API5: variants seen among roughly 807,000 people sequenced by gnomAD.
The protein encoded by API5 is FIF.
API5 carries 6 observed loss-of-function variants against 71.9 expected under a neutral mutation model. That is an observed-to-expected ratio of 0.08 (90% confidence interval 0.05 to 0.16). API5 has a LOEUF of 0.16. API5 is among the 10% of genes least tolerant of loss of function. API5 has a pLI of 1.00. For synonymous variants in API5, 189 were observed against 221.3 expected (o/e 0.85, Z 1.30); for missense variants, 332 against 612.8 (o/e 0.54, Z 4.84).
chr11:43,332,805 G>A (rs1855302934), intron 11 of API5, among the ~76,000 whole-genome samples: 2 of 152,080 alleles, frequency 1.3e-5, no homozygotes, highest in Admixed American at 6.5e-5. Context: ...TGTTAAATCA[G>A]CCCCTTTCTC....
rs1050684062 is a variant in API5 at position 43,343,200 on chromosome 11, G to A, written c.*690G>A. ...CATACATACATAAGCATATATGTGT[G>A]TGTGTGTGTGTATATATATATATAT... On this transcript the variant is annotated 3_prime_UTR_variant, in exon 14 of 14. Transcript: ENST00000531273. The A allele has an allele frequency of 2.6e-5, 4 of 152,600 alleles. No homozygotes were observed. Among genetic ancestry groups the A allele is most frequent in the African/African-American group, 9.7e-5 (4 of 41,392 alleles). The allele number at this position is 152,600 out of a possible 1,614,324, so 9.5% of individuals were successfully genotyped here.
intron 10 of API5, 61 bp from the exon 11 acceptor site, chr11:43,330,439 TATGACAGA>T (rs1855214625): frequency 4.5e-6 from 5 of 1,112,008 alleles, no homozygotes; most frequent in Non-Finnish European, 6.9e-6. Flanking sequence ...ACTCTAGTTC[TATGACAGA>T]ATGGATTATG....
chr11:43,336,255 A>G (rs1454348561), intron 13 of API5: 4 of 437,896 alleles, frequency 9.1e-6, no homozygotes, highest in Non-Finnish European at 1.6e-5. Context: ...AGAGGAACCA[A>G]CAGAAACAAA....
At chr11:43,331,741 G>A (rs1291132703) in intron 11 of API5, among the ~76,000 whole-genome samples, 1 of 152,182 alleles carries the variant, frequency 6.6e-6, no homozygotes, top group Admixed American at 6.5e-5. Context: ...TATCAGAAGA[G>A]AGAGGGAAGC....
chr11:43,315,670 C>G (rs1854644387), intron 1 of API5, among the ~76,000 whole-genome samples: 1 of 152,082 alleles, frequency 6.6e-6, no homozygotes, highest in African/African-American at 2.4e-5. Flanking sequence ...ATCTTCCAGT[C>G]CTATCATCTT....
chr11:43,340,177 C>A (rs1855566149), intron 13 of API5: 5 of 314,564 alleles, frequency 1.6e-5, no homozygotes, highest in Non-Finnish European at 1.8e-5. Context: ...TCAAGGTAAC[C>A]CCATTTATAA....
chr11:43,319,485 C>T (rs1854792462), intron 2 of API5, among the ~76,000 whole-genome samples: 1 of 152,202 alleles, frequency 6.6e-6, no homozygotes, highest in South Asian at 2.1e-4. Flanking sequence ...GACCAGAGTG[C>T]AGTTGCACAT....
chr11:43,338,865 G>A (rs1855522188), intron 13 of API5, among the ~76,000 whole-genome samples: 1 of 152,080 alleles, frequency 6.6e-6, no homozygotes, highest in African/African-American at 2.4e-5. Context: ...TGTGAATAAT[G>A]AGTATGATAG....
intron 8 of API5, 37 bp downstream of exon 8, chr11:43,327,915 A>G: frequency 2.3e-6 from 3 of 1,306,488 alleles, no homozygotes; most frequent in Middle Eastern, 1.9e-4. Context: ...GATAGTCAGT[A>G]TATAGCTCAA....
Position 43,321,489 on chromosome 11 carries a change from C to T in API5, c.391+13C>T. The T allele has an allele frequency of 6.3e-7, 1 of 1,588,036 alleles. No individual in the cohort carries two copies. The highest frequency in any genetic ancestry group is 8.6e-7 in the Non-Finnish European group (1 of 1,159,178). On this transcript the variant is annotated intron_variant, in intron 4 of 13. Coordinates refer to ENST00000531273, the MANE Select transcript of API5 (RefSeq NM_001142930.2). ...ATGGATGCAAAAGGTAAGGCCAGTT[C>T]TTATTCTGAATTGTGTTTGATGTCT...
intron 11 of API5, among the ~76,000 whole-genome samples, chr11:43,334,972 C>T (rs1855382240): frequency 1.3e-5 from 2 of 151,784 alleles, no homozygotes; most frequent in Non-Finnish European, 2.9e-5. Flanking sequence ...AAAAACAAAC[C>T]GAAACAAAAC....
chr11:43,331,190 A>T (rs567667567), intron 11 of API5: 1 of 152,492 alleles, frequency 6.6e-6, no homozygotes, highest in Non-Finnish European at 1.5e-5. Context: ...ATTATAGTTG[A>T]CCCTTGAACA....
At chr11:43,337,007 CAAAAAAAAAAA>C (rs559170436) in intron 13 of API5, among the ~76,000 whole-genome samples, 13,390 of 67,218 alleles carry the variant, frequency 0.2, 971 homozygotes, top group Admixed American at 0.38. Flanking sequence ...GACTCCGTCT[CAAAAAAAAAAA>C]AAAAAAAAAA....
At chr11:43,329,913 A>G in intron 9 of API5, 52 bp from the exon 10 acceptor site, 2 of 1,527,504 alleles carry the variant, frequency 1.3e-6, no homozygotes, top group Non-Finnish European at 1.8e-6. Flanking sequence ...ATTGAGTTTA[A>G]AAACAAAATT....
At chr11:43,338,088 T>C (rs1321287272) in intron 13 of API5, among the ~76,000 whole-genome samples, 1 of 152,154 alleles carries the variant, frequency 6.6e-6, no homozygotes, top group Non-Finnish European at 1.5e-5. Context: ...CAAAGCAAAG[T>C]AAACATGCAA....
intron 13 of API5, among the ~76,000 whole-genome samples, chr11:43,338,437 A>G (rs933028953): frequency 9.2e-5 from 14 of 152,090 alleles, no homozygotes; most frequent in Admixed American, 3.9e-4. Context: ...AATGTTCTAC[A>G]TTTTGTGACT....
At chr11:43,327,461 A>G (rs141798153) in intron 7 of API5, among the ~76,000 whole-genome samples, 150 of 152,342 alleles carry the variant, frequency 9.8e-4, no homozygotes, top group Non-Finnish European at 1.6e-3. Context: ...AATTAGCACA[A>G]TCATTAACCT....
In API5 at chr11:43,323,450, T is replaced by G; in HGVS notation, c.564T>G (p.Gly188=). 1 of 1,614,034 alleles carries G rather than the reference T, an allele frequency of 6.2e-7. No individual in the cohort carries two copies. The highest frequency in any genetic ancestry group is 8.5e-7 in the Non-Finnish European group (1 of 1,179,910). The part of the protein sequence containing the change: ...ESKKVLEDVT[G]EEFVLFMKIL... ...TCCAGGTCCTAGAAGATGTGACTGG[T>G]GAAGAATTTGTTCTATTTATGAAGA... The change falls in exon 6 of 14, where the codon GGT becomes GGG. Residue 188 remains glycine, a synonymous_variant. Transcript: ENST00000531273.
intron 1 of API5, among the ~76,000 whole-genome samples, chr11:43,312,700 G>T (rs1298675454): frequency 6.6e-6 from 1 of 152,116 alleles, no homozygotes; most frequent in African/African-American, 2.4e-5. Flanking sequence ...TTTGATGAGA[G>T]CTCACGGTTT....
Sources: gnomAD v4.1 joint callset for allele counts (sites outside exome capture counted in the v4.1 genomes callset) on GRCh38, gnomAD v4.1.1 for gene constraint, MANE v1.5 for transcripts, NCBI Gene and HGNC (gene_info 2026-07-23, HGNC 2026-07-21) for gene names.